ZNF497: variants seen among roughly 807,000 people sequenced by gnomAD.
The protein encoded by ZNF497 is zinc finger-like protein.
For synonymous variants in ZNF497, 422 were observed against 313.7 expected, an observed-to-expected ratio of 1.35 and a Z score of -3.65; for missense variants, 930 against 714.0, an observed-to-expected ratio of 1.30 and a Z score of -3.45.
In ZNF497 at chr19:58,356,199, GA is replaced by G; in HGVS notation, c.1436del (p.Phe479SerfsTer26). 3.1e-6 allele frequency: 5 copies of G among 1,598,754 alleles called. No homozygotes were observed. The highest frequency in any genetic ancestry group is 4.3e-6 in the Non-Finnish European group (5 of 1,171,132). On this transcript the variant is annotated frameshift_variant, in exon 3 of 3. Transcript: ENST00000311044. Reference protein sequence around the residue: ...PYACGECGKPFSHRCNLNEHQ... With the variant: ...PYACGECGKPXSHRCNLNEHQ... ...GCTCGTTGAGGTTGCAACGGTGGCTGAAAGGCTTCCCGCACTCGCCGCAAGC... is the reference window on the plus strand; with the variant it reads ...GCTCGTTGAGGTTGCAACGGTGGCTGAAGGCTTCCCGCACTCGCCGCAAGC...
chr19:58,362,144 T>C (rs1413420313), intron 1 of ZNF497, among the ~76,000 whole-genome samples: 2 of 152,150 alleles, frequency 1.3e-5, no homozygotes, highest in African/African-American at 2.4e-5. Flanking sequence ...AACGGGCACT[T>C]GTCCGACCAG....
rs1426214846 is a variant in ZNF497 at position 58,357,924 on chromosome 19, G to A, written c.-14-275C>T. 8.1e-6 allele frequency: 11 copies of A among 1,353,108 alleles called. No individual in the cohort carries two copies. The East Asian group carries it at 1.5e-4, about 18-fold the overall frequency. 83.8% of individuals were successfully genotyped at this position (1,353,108 alleles called of 1,614,324 possible). On this transcript the variant is annotated intron_variant, in intron 2 of 2. Coordinates refer to ENST00000311044, the MANE Select transcript of ZNF497 (RefSeq NM_198458.3). ...CAGGAGGGGAGGGGGCGCCAGCATCGCAGAAGGACTCAAAGTTGCCCACGC... is the reference window on the plus strand; with the variant it reads ...CAGGAGGGGAGGGGGCGCCAGCATCACAGAAGGACTCAAAGTTGCCCACGC...
In ZNF497 at chr19:58,356,428, T is replaced by C. The variant is rs200391359; in HGVS notation, c.1208A>G (p.His403Arg). ...KAFRGSSGLA[H>R]HRLSHTGERP... ...CTCTCCCGTGTGCGAAAGCCGGTGGTGCGCCAGGCCGGAACTGCCGCGGAA... is the reference window on the plus strand; with the variant it reads ...CTCTCCCGTGTGCGAAAGCCGGTGGCGCGCCAGGCCGGAACTGCCGCGGAA... Residue 403 changes from histidine (H) to arginine (R), a missense_variant, in exon 3 of 3, where the codon CAC becomes CGC. Transcript: ENST00000311044. 9,636 of 1,563,950 alleles carry C rather than the reference T, an allele frequency of 6.2e-3. 35 individuals are homozygous for C. The highest frequency in any genetic ancestry group is 7.9e-3 in the Non-Finnish European group (9,131 of 1,160,618).
At chr19:58,361,398 C>T (rs1213371887) in intron 1 of ZNF497, among the ~76,000 whole-genome samples, 1 of 152,086 alleles carries the variant, frequency 6.6e-6, no homozygotes, top group Non-Finnish European at 1.5e-5. Flanking sequence ...GCTCTGTTGC[C>T]CAGGTTGGAG....
Position 58,356,078 on chromosome 19 carries a change from C to G in ZNF497, c.*61G>C. ...AAAGTCTGGGCCAGCAGACAGCGCA[C>G]TCACGCCCGAGACCCCGCAATGCCG... On this transcript the variant is annotated 3_prime_UTR_variant, in exon 3 of 3. Transcript: ENST00000311044. The G allele has an allele frequency of 1.4e-6, 2 of 1,463,466 alleles. No homozygotes were observed. The highest frequency in any genetic ancestry group is 1.8e-6 in the Non-Finnish European group (2 of 1,112,852). 90.7% of individuals were successfully genotyped at this position (1,463,466 alleles called of 1,614,324 possible). A position where few individuals can be genotyped will look rare whatever the true frequency, so the allele number is the denominator to read the frequency against.
chr19:58,358,415 C>G, intron 2 of ZNF497, 74 bp downstream of exon 2: 5 of 1,154,976 alleles, frequency 4.3e-6, no homozygotes, highest in Non-Finnish European at 5.6e-6. Flanking sequence ...GCCCTGAGCA[C>G]CTTATCATCC....
intron 2 of ZNF497, 29 bp downstream of exon 2, chr19:58,358,460 C>G: frequency 8.7e-7 from 1 of 1,150,740 alleles, no homozygotes; most frequent in South Asian, 1.6e-5. Context: ...CAAGGCAGGG[C>G]AGGGACAAGT....
rs2052054575 is a variant in ZNF497, at chr19:58,358,575, G to A, written c.-101C>T. On this transcript the variant is annotated 5_prime_UTR_variant, in exon 2 of 3. Transcript: ENST00000311044. ...GGGGACCAGCTCCTCTTGGGGCCTGGGGGCTGGCACCTGGGGACAGGAAGG... is the reference window on the plus strand; with the variant it reads ...GGGGACCAGCTCCTCTTGGGGCCTGAGGGCTGGCACCTGGGGACAGGAAGG... 1.5e-5 allele frequency: 18 copies of A among 1,188,612 alleles called. No individual in the cohort carries two copies. Among genetic ancestry groups the A allele is most frequent in the Non-Finnish European group, 1.9e-5 (18 of 940,596 alleles). 73.6% of individuals were successfully genotyped at this position (1,188,612 alleles called of 1,614,324 possible).
At position 58,356,446 on chromosome 19, in the gene ZNF497, C is replaced by A; in HGVS notation, c.1190G>T (p.Gly397Val). 6.4e-7 allele frequency: 1 copy of A among 1,556,582 alleles called. No individual in the cohort carries two copies. The change falls in exon 3 of 3, where the codon GGC (glycine) becomes GTC (valine). Residue 397 changes from glycine (G) to valine (V), a missense_variant. Physicochemically the swap from Gly to Val is moderately radical, Grantham distance 109. Coordinates refer to ENST00000311044, the MANE Select transcript of ZNF497 (RefSeq NM_198458.3). Reference protein sequence around the residue: ...ACADCGKAFRGSSGLAHHRLS... With the variant: ...ACADCGKAFRVSSGLAHHRLS... ...CCGGTGGTGCGCCAGGCCGGAACTGCCGCGGAAGGCCTTGCCGCAGTCGGC... is the reference window on the plus strand; with the variant it reads ...CCGGTGGTGCGCCAGGCCGGAACTGACGCGGAAGGCCTTGCCGCAGTCGGC...
intron 2 of ZNF497, 44 bp downstream of exon 2, chr19:58,358,445 G>A (rs750464084): frequency 7.9e-5 from 91 of 1,157,592 alleles, no homozygotes; most frequent in Non-Finnish European, 8.3e-5. Flanking sequence ...CTCCAGCCCC[G>A]CTGCCAAGGC....
chr19:58,361,130 C>T (rs1337002531), intron 1 of ZNF497, among the ~76,000 whole-genome samples: 1 of 152,094 alleles, frequency 6.6e-6, no homozygotes, highest in Non-Finnish European at 1.5e-5. Flanking sequence ...CCCGCCTCGG[C>T]CTCCCAAAGT....
Position 58,356,875 on chromosome 19 carries a change from G to C in ZNF497, c.761C>G (p.Ala254Gly), listed in dbSNP as rs1323269744. The stretch of plus-strand genomic sequence containing the variant: ...GGCCAGGTTGGAGCTCTGGCTGAAG[G>C]CCTTGCCACAGTCCCGGCAGGCGTG... ...RPHACRDCGK[A>G]FSQSSNLAEH... The change falls in exon 3 of 3, where the codon GCC (alanine) becomes GGC (glycine). Residue 254 changes from alanine (A) to glycine (G), a missense_variant. Transcript: ENST00000311044. 6.3e-7 allele frequency: 1 copy of C among 1,592,622 alleles called. No individual in the cohort carries two copies.
At position 58,356,450 on chromosome 19, in the gene ZNF497, G is replaced by T. The variant is rs762714238; in HGVS notation, c.1186C>A (p.Arg396Ser). The T allele has an allele frequency of 6.4e-7, 1 of 1,555,854 alleles. No homozygotes were observed. The highest frequency in any genetic ancestry group is 2.4e-5 in the East Asian group (1 of 42,050). ...FACADCGKAF[R>S]GSSGLAHHRL... ...TGGTGCGCCAGGCCGGAACTGCCGC[G>T]GAAGGCCTTGCCGCAGTCGGCGCAG... is the stretch of plus-strand genomic sequence containing the variant. The change falls in exon 3 of 3, where the codon CGC becomes AGC. Residue 396 changes from arginine to serine, a missense_variant. Transcript: ENST00000311044.
rs574570366 is a variant in ZNF497 at position 58,355,947 on chromosome 19, G to T, written c.*192C>A. 1.2e-4 allele frequency: 77 copies of T among 622,722 alleles called. No homozygotes were observed. In the South Asian group the frequency reaches 1.9e-3, roughly 15 times the overall value. 38.6% of individuals were successfully genotyped at this position (622,722 alleles called of 1,614,324 possible). A position where few individuals can be genotyped will look rare whatever the true frequency, so the allele number is the denominator to read the frequency against. On this transcript the variant is annotated 3_prime_UTR_variant, in exon 3 of 3. Coordinates refer to ENST00000311044, the MANE Select transcript of ZNF497 (RefSeq NM_198458.3). Reference sequence around the variant, plus strand: ...ATCCTACATGTCCCCAGACAGGCCTGGGTGGCCGGTGGACTATCGTCAAAG... The same window carrying T: ...ATCCTACATGTCCCCAGACAGGCCTTGGTGGCCGGTGGACTATCGTCAAAG...
At position 58,356,482 on chromosome 19, in the gene ZNF497, G is replaced by A. The variant is rs2052021775; in HGVS notation, c.1154C>T (p.Pro385Leu). Residue 385 changes from proline (P) to leucine (L), a missense_variant, in exon 3 of 3, where the codon CCC becomes CTC. Transcript: ENST00000311044. Reference sequence around the variant, plus strand: ...CTTGCCGCAGTCGGCGCAGGCGAAGGGCTTGGCGCCCGAGTGCGTGCGCCG... The same window carrying A: ...CTTGCCGCAGTCGGCGCAGGCGAAGAGCTTGGCGCCCGAGTGCGTGCGCCG... The part of the protein sequence containing the change: ...SHRRTHSGAK[P>L]FACADCGKAF... 2 of 1,551,050 alleles carry A rather than the reference G, an allele frequency of 1.3e-6. No homozygotes were observed. Among genetic ancestry groups the A allele is most frequent in the Non-Finnish European group, 1.7e-6 (2 of 1,154,116 alleles).
chr19:58,360,396 T>A (rs1165784221), intron 1 of ZNF497, among the ~76,000 whole-genome samples: 2 of 151,982 alleles, frequency 1.3e-5, no homozygotes, highest in Non-Finnish European at 2.9e-5. Context: ...TTTGACAGGG[T>A]CTGGCTCTGT....
rs2052023471 is a variant in ZNF497, at chr19:58,356,563, T to C, written c.1073A>G (p.His358Arg). 3.2e-6 allele frequency: 5 copies of C among 1,547,786 alleles called. No individual in the cohort carries two copies. In the Admixed American group the frequency reaches 7.7e-5, roughly 24 times the overall value. Reference protein sequence around the residue: ...HRRVHTGEKPHACAQCGKAFS... With the variant: ...HRRVHTGEKPRACAQCGKAFS... ...GGCCTTGCCGCACTGGGCGCACGCATGAGGCTTCTCGCCCGTGTGCACGCG... is the reference window on the plus strand; with the variant it reads ...GGCCTTGCCGCACTGGGCGCACGCACGAGGCTTCTCGCCCGTGTGCACGCG... The change falls in exon 3 of 3, where the codon CAT becomes CGT. Residue 358 changes from histidine (H) to arginine (R), a missense_variant. Physicochemically the swap from His to Arg is conservative, Grantham distance 29. Transcript: ENST00000311044.
At chr19:58,358,393 C>A (rs2052052753) in intron 2 of ZNF497, 96 bp downstream of exon 2, 1 of 1,166,782 alleles carries the variant, frequency 8.6e-7, no homozygotes, top group Admixed American at 2.9e-5. Context: ...CGAGCAAAAC[C>A]CATCCTCATT....
In ZNF497 at chr19:58,354,667, CTG is replaced by C. The variant is rs1320667050; in HGVS notation, c.*1470_*1471del. 6.6e-6 allele frequency: 1 copy of C among 152,368 alleles called. No individual in the cohort carries two copies. Among genetic ancestry groups the C allele is most frequent in the Non-Finnish European group, 1.5e-5 (1 of 68,142 alleles). 9.4% of individuals were successfully genotyped at this position (152,368 alleles called of 1,614,324 possible). A position where few individuals can be genotyped will look rare whatever the true frequency, so the allele number is the denominator to read the frequency against. On this transcript the variant is annotated 3_prime_UTR_variant, in exon 3 of 3. Transcript: ENST00000311044. ...TTGCTGAGCACCTGCTGCATGCTCT[CTG>C]TCCTGCTCAGAGCCAGTACCTGGAT...
Sources: allele counts gnomAD v4.1 joint callset (sites outside exome capture counted in the v4.1 genomes callset), GRCh38; gene constraint gnomAD v4.1.1; transcripts MANE v1.5; gene names NCBI Gene and HGNC (gene_info 2026-07-23, HGNC 2026-07-21).